The following NMUR1 variants were observed in gnomAD, a reference collection of about 807,000 sequenced individuals.
The protein encoded by NMUR1 is neuromedin-U receptor 1.
NMUR1 carries 16 observed loss-of-function variants against 18.8 expected under a neutral mutation model. That is an observed-to-expected ratio of 0.85 (90% CI 0.58 to 1.29). The LOEUF is 1.29. Ranked by LOEUF, NMUR1 falls within the 50% of genes most tolerant of loss-of-function variation. The probability of loss-of-function intolerance (pLI) is 0.00; values close to 1 mark genes in which losing one functional copy is unlikely to be tolerated. For synonymous variants in NMUR1, 258 were observed against 258.2 expected (o/e 1.00, Z 0.01); for missense variants, 529 against 580.3 (o/e 0.91, Z 0.91).
At chr2:231,525,911 GAC>G (rs919037955) in intron 2 of NMUR1, among the ~76,000 whole-genome samples, 1 of 151,966 alleles carries the variant, frequency 6.6e-6, no homozygotes, top group Non-Finnish European at 1.5e-5. Flanking sequence ...GGGAGAGTGA[GAC>G]ACACACACGC....
In NMUR1 at chr2:231,526,267, T is replaced by C. The variant is rs189626290; in HGVS notation, c.899-842A>G. Among the ~76,000 whole-genome samples, 249 of 152,354 alleles carry C rather than the reference T, an allele frequency of 1.6e-3. 1 individual carries two copies. Among genetic ancestry groups the C allele is most frequent in the Middle Eastern group, 3.4e-3 (1 of 294 alleles). ...TGCTGCTGCAACTCACTAGCTTTCC[T>C]GGGCAGTGTCTTCCCCATCATACCC... On this transcript the variant is annotated intron_variant, in intron 2 of 2. Coordinates refer to ENST00000305141, the MANE Select transcript of NMUR1 (RefSeq NM_006056.5).
At chr2:231,529,467 CA>C (rs1466198823) in intron 1 of NMUR1, among the ~76,000 whole-genome samples, 1 of 149,460 alleles carries the variant, frequency 6.7e-6, no homozygotes, top group Non-Finnish European at 1.5e-5. Context: ...CTCAAAAAAA[CA>C]AAAAGCAAAC....
chr2:231,528,080 C>T (rs1276927897), intron 2 of NMUR1, 43 bp downstream of exon 2: 3 of 1,513,038 alleles, frequency 2.0e-6, no homozygotes, highest in Admixed American at 2.2e-5. Flanking sequence ...CAAACTCATA[C>T]CCAGTGCCTG....
intron 1 of NMUR1, 132 bp from the exon 2 acceptor site, chr2:231,529,149 C>T: frequency 1.1e-6 from 1 of 880,618 alleles, no homozygotes; most frequent in Non-Finnish European, 1.7e-6. Flanking sequence ...AAAGAAAAAA[C>T]TCTTCCATCC....
chr2:231,528,038 AC>A lies in NMUR1; in HGVS notation c.898+84del. 2.1e-6 allele frequency: 3 copies of A among 1,417,516 alleles called. No individual in the cohort carries two copies. In the South Asian group the frequency reaches 4.2e-5, roughly 20 times the overall value. 87.8% of individuals were successfully genotyped at this position (1,417,516 alleles called of 1,614,324 possible). On this transcript the variant is annotated intron_variant, in intron 2 of 2. Transcript: ENST00000305141. ...TTCCTCGTCCCCCATAAACCCAGAT[AC>A]TCAGCCCCTTCTCCCAGGCCCCAGG... is the stretch of plus-strand genomic sequence containing the variant.
rs958087935 is a variant in NMUR1 at position 231,525,117 on chromosome 2, A to C, written c.1207T>G (p.Ser403Ala). ...AGGGGGTGGACCCAGCTGCCCAGGG[A>C]GCCCACATCACACAGGGTGCTGCCT... is the stretch of plus-strand genomic sequence containing the variant. ...TTGSTLCDVG[S>A]LGSWVHPLAG... is the part of the protein sequence containing the mutation. Residue 403 changes from serine to alanine, a missense_variant, in exon 3 of 3, where the codon TCC becomes GCC. By Grantham distance (99) the Ser-to-Ala change is moderately conservative (BLOSUM62 1). Transcript: ENST00000305141. 3 of 1,613,188 alleles carry C rather than the reference A, an allele frequency of 1.9e-6. No individual in the cohort carries two copies. Among genetic ancestry groups the C allele is most frequent in the Non-Finnish European group, 2.5e-6 (3 of 1,179,554 alleles).
downstream of NMUR1, among the ~76,000 whole-genome samples, chr2:231,519,385 G>A (rs1441766195): frequency 6.6e-6 from 1 of 152,202 alleles, no homozygotes; most frequent in African/African-American, 2.4e-5. Flanking sequence ...GCCCTGCCTT[G>A]TGCAGAAACT....
In NMUR1 at chr2:231,524,511, C is replaced by T. The variant is rs530991004; in HGVS notation, c.*532G>A. The T allele has an allele frequency of 1.6e-3, 241 of 152,612 alleles. 3 individuals are homozygous for T. Among genetic ancestry groups the T allele is most frequent in the African/African-American group, 5.1e-3 (212 of 41,580 alleles). 9.5% of individuals were successfully genotyped at this position (152,612 alleles called of 1,614,324 possible). On this transcript the variant is annotated 3_prime_UTR_variant, in exon 3 of 3. Transcript: ENST00000305141. ...CGGAGGTTGCAGTGAGCCAAAATCG[C>T]GCCACTGCACTCTAGCCTGGGCGAC...
downstream of NMUR1, among the ~76,000 whole-genome samples, chr2:231,521,980 T>C (rs1196485719): frequency 1.4e-4 from 20 of 144,134 alleles, no homozygotes; most frequent in African/African-American, 4.9e-4. Context: ...TCTCTTTTTT[T>C]TTTTTTTTTT....
At chr2:231,520,006 C>T (rs2047292764), downstream of NMUR1, among the ~76,000 whole-genome samples, 1 of 152,122 alleles carries the variant, frequency 6.6e-6, no homozygotes, top group Admixed American at 6.6e-5. Context: ...TGAAATCTGT[C>T]CTCATTTTTC....
rs890745229 is a variant in NMUR1 at position 231,525,067 on chromosome 2, C to T, written c.1257G>A (p.Ala419=). ...CTCAGGATGGATCGGTCTCTTGCTGCGCCTCTGGGCCATCGTTCCCAGCCA... is the reference window on the plus strand; with the variant it reads ...CTCAGGATGGATCGGTCTCTTGCTGTGCCTCTGGGCCATCGTTCCCAGCCA... ...HPLAGNDGPE[A]QQETDPS is the part of the protein sequence containing the mutation. The change falls in exon 3 of 3, where the codon GCG becomes GCA. Residue 419 remains alanine (A), a synonymous_variant. Transcript: ENST00000305141. 8.8e-6 allele frequency: 14 copies of T among 1,588,790 alleles called. No homozygotes were observed. The highest frequency in any genetic ancestry group is 6.7e-5 in the African/African-American group (5 of 74,490).
chr2:231,525,671 G>A (rs755763962), intron 2 of NMUR1, among the ~76,000 whole-genome samples: 4 of 152,224 alleles, frequency 2.6e-5, no homozygotes, highest in Admixed American at 2.6e-4. Flanking sequence ...ACAGCCAACT[G>A]GACCAGGTGT....
At chr2:231,530,279 C>T (rs2047401755) in intron 1 of NMUR1, 80 bp downstream of exon 1, 2 of 1,473,702 alleles carry the variant, frequency 1.4e-6, no homozygotes, top group African/African-American at 1.5e-5. Context: ...CGGACCCTTC[C>T]CGCCCTAGGA....
At chr2:231,529,317 G>A (rs1020532207) in intron 1 of NMUR1, among the ~76,000 whole-genome samples, 35 of 152,066 alleles carry the variant, frequency 2.3e-4, no homozygotes, top group East Asian at 5.8e-4. Context: ...AAAAGTAGCC[G>A]GGCGTGGTAG....
chr2:231,529,592 T>C (rs1354145947), intron 1 of NMUR1, among the ~76,000 whole-genome samples: 1 of 152,218 alleles, frequency 6.6e-6, no homozygotes, highest in Non-Finnish European at 1.5e-5. Context: ...GTGTCTCCTC[T>C]TTCAAGCAAT....
rs2047377760 is a variant in NMUR1 at position 231,528,332 on chromosome 2, A to G, written c.689T>C (p.Met230Thr). 3 of 1,613,310 alleles carry G rather than the reference A, an allele frequency of 1.9e-6. No homozygotes were observed. The highest frequency in any genetic ancestry group is 2.2e-5 in the East Asian group (1 of 44,856). The change falls in exon 2 of 3, where the codon ATG becomes ACG. Residue 230 changes from methionine (M) to threonine (T), a missense_variant. Met to Thr is a moderately conservative substitution (Grantham distance 81). Coordinates refer to ENST00000305141, the MANE Select transcript of NMUR1 (RefSeq NM_006056.5). ...GAGCAGCGCGGTGGTCTGCACTACC[A>G]TGTTGTAGAGGGCCCGTGGGCGGAC... is the stretch of plus-strand genomic sequence containing the variant. ...MLVRPRALYN[M>T]VVQTTALLFF...
intron 2 of NMUR1, among the ~76,000 whole-genome samples, chr2:231,525,937 CACAT>C (rs1365762809): frequency 6.6e-6 from 1 of 150,640 alleles, no homozygotes; most frequent in African/African-American, 2.4e-5. Flanking sequence ...CACACACACA[CACAT>C]GCATGCACAC....
rs1422047839 is a variant in NMUR1, at chr2:231,528,456, C to A, written c.565G>T (p.Ala189Ser). The change falls in exon 2 of 3, where the codon GCC (alanine) becomes TCC (serine). Residue 189 changes from alanine to serine, a missense_variant. Ala to Ser is a moderately conservative substitution (Grantham distance 99, BLOSUM62 1). Transcript: ENST00000305141. Reference protein sequence around the residue: ...RRVLGAVWGLAMLCSLPNTSL... With the variant: ...RRVLGAVWGLSMLCSLPNTSL... ...GTGTTGGGCAGGGAGCAGAGCATGG[C>A]AAGACCCCAGACGGCCCCAAGCACT... 1 of 1,613,604 alleles carries A rather than the reference C, an allele frequency of 6.2e-7. No individual in the cohort carries two copies. Among genetic ancestry groups the A allele is most frequent in the South Asian group, 1.1e-5 (1 of 91,074 alleles).
downstream of NMUR1, among the ~76,000 whole-genome samples, chr2:231,518,629 TG>T (rs1412590858): frequency 6.6e-6 from 1 of 152,036 alleles, no homozygotes; most frequent in Non-Finnish European, 1.5e-5. Context: ...GGTGGTTTTT[TG>T]TACTTTTTTC....
Sources: allele counts gnomAD v4.1 joint callset (sites outside exome capture counted in the v4.1 genomes callset), GRCh38; gene constraint gnomAD v4.1.1; transcripts MANE v1.5; gene names NCBI Gene and HGNC (gene_info 2026-07-23, HGNC 2026-07-21).